GEMIN5: variants seen among roughly 807,000 people sequenced by gnomAD.
GEMIN5 encodes the protein gem-associated protein 5.
GEMIN5 carries 124 observed loss-of-function variants against 176.9 expected under a neutral mutation model. That is an observed-to-expected ratio of 0.70 (90% CI 0.61 to 0.81). GEMIN5 has a LOEUF of 0.81. Ranked by LOEUF, GEMIN5 falls within the 40% of genes least tolerant of loss-of-function variation. The pLI is 0.00. For missense variants in GEMIN5, 1,843 were observed against 1,814.6 expected, an observed-to-expected ratio of 1.02 and a Z score of -0.28; for synonymous variants, 673 against 665.2, an observed-to-expected ratio of 1.01 and a Z score of -0.18.
In GEMIN5 at chr5:154,904,580, T is replaced by TGTA; in HGVS notation, c.2556_2558dup (p.Thr853dup). 6.2e-7 allele frequency: 1 copy of TGTA among 1,612,550 alleles called. No individual in the cohort carries two copies. ...CCTCTTTGGATCTGTGGTCCAGGCT[T>TGTA]GTACTCAGGGGAAGCAAGGAACGAG... On this transcript the variant is annotated inframe_insertion, in exon 18 of 28. Coordinates refer to ENST00000285873, the MANE Select transcript of GEMIN5 (RefSeq NM_015465.5).
chr5:154,924,786 G>A (rs928690453), intron 8 of GEMIN5, among the ~76,000 whole-genome samples: 105 of 152,058 alleles, frequency 6.9e-4, no homozygotes, highest in African/African-American at 2.5e-3. Context: ...TCAGGAGATC[G>A]AGACCATCCT....
intron 21 of GEMIN5, among the ~76,000 whole-genome samples, chr5:154,900,187 T>C (rs919370984): frequency 3.9e-5 from 6 of 152,194 alleles, no homozygotes; most frequent in African/African-American, 1.4e-4. Context: ...AGGAATGTGG[T>C]ATTTTTGGGT....
At chr5:154,936,944 G>C in intron 2 of GEMIN5, 81 bp downstream of exon 2, 1 of 1,071,542 alleles carries the variant, frequency 9.3e-7, no homozygotes, top group Non-Finnish European at 1.4e-6. Context: ...GCACAGATGA[G>C]CTAGCAAAAC....
chr5:154,907,720 C>A lies in GEMIN5; in HGVS notation c.2266G>T (p.Glu756Ter). ...TCTTCTTCATTTCCATCAATCGATT[C>A]CAGCTTTACAGGAGTTCTCAAGGTG... Reference protein sequence around the residue: ...KPTLRTPVKLESIDGNEEESM... With the variant: ...KPTLRTPVKL The change falls in exon 16 of 28, where the codon GAA becomes TAA. Residue 756 changes from glutamate to a stop codon, truncating the protein, a stop_gained. Transcript: ENST00000285873. LOFTEE classifies it high-confidence loss of function. 1 of 1,614,096 alleles carries A rather than the reference C, an allele frequency of 6.2e-7. No homozygotes were observed. Among genetic ancestry groups the A allele is most frequent in the Non-Finnish European group, 8.5e-7 (1 of 1,179,972 alleles).
chr5:154,926,644 T>C (rs1764043083), intron 7 of GEMIN5, among the ~76,000 whole-genome samples: 1 of 152,182 alleles, frequency 6.6e-6, no homozygotes, highest in African/African-American at 2.4e-5. Context: ...CTACATACAC[T>C]ACAAACCAGG....
At chr5:154,924,194 C>T (rs889754914) in intron 9 of GEMIN5, among the ~76,000 whole-genome samples, 2 of 152,118 alleles carry the variant, frequency 1.3e-5, no homozygotes, top group Non-Finnish European at 2.9e-5. Context: ...TCAGTAATCA[C>T]CTGTGGTTAA....
At chr5:154,923,295 G>A (rs1427836506) in intron 9 of GEMIN5, among the ~76,000 whole-genome samples, 4 of 151,944 alleles carry the variant, frequency 2.6e-5, no homozygotes, top group South Asian at 2.1e-4. Flanking sequence ...CAGGAGAATC[G>A]CTTGAACCCA....
intron 15 of GEMIN5, among the ~76,000 whole-genome samples, chr5:154,908,175 T>C (rs1398325878): frequency 2.2e-5 from 3 of 138,294 alleles, no homozygotes; most frequent in Non-Finnish European, 3.1e-5. Flanking sequence ...AGATGTCCTT[T>C]TTTTTTTTTT....
rs761202515 is a variant in GEMIN5, at chr5:154,928,605, G to A, written c.836C>T (p.Pro279Leu). Residue 279 changes from proline (P) to leucine (L), a missense_variant, in exon 6 of 28, where the codon CCA becomes CTA. Pro to Leu is a moderately conservative substitution (Grantham distance 98). Transcript: ENST00000285873. ...FLKRRGGGIDPTVKERLWLTL... is the reference protein window; with the variant it reads ...FLKRRGGGIDLTVKERLWLTL... ...CAACCAAAGGCGCTCTTTAACAGTT[G>A]GGTCTATACCCCCTCCTCTTCTCTT... The A allele has an allele frequency of 6.2e-7, 1 of 1,613,552 alleles. No homozygotes were observed. The highest frequency in any genetic ancestry group is 8.5e-7 in the Non-Finnish European group (1 of 1,179,500).
chr5:154,918,037 T>C (rs1176775323), intron 11 of GEMIN5, 33 bp from the exon 12 acceptor site: 2 of 1,353,052 alleles, frequency 1.5e-6, no homozygotes, highest in East Asian at 2.3e-5. Flanking sequence ...CTTGACTATA[T>C]ACATATCTCA....
chr5:154,937,208 G>A (rs1442581802), intron 1 of GEMIN5, 23 bp from the exon 2 acceptor site: 3 of 1,568,502 alleles, frequency 1.9e-6, no homozygotes, highest in Non-Finnish European at 2.6e-6. Context: ...CCAGACGCTA[G>A]GTTAATCGAA....
chr5:154,915,313 A>G (rs2113487914), intron 13 of GEMIN5, among the ~76,000 whole-genome samples: 1 of 152,346 alleles, frequency 6.6e-6, no homozygotes, highest in African/African-American at 2.4e-5. Context: ...AACTATTTTC[A>G]CTATGGCTGA....
Position 154,907,766 on chromosome 5 carries a change from C to A in GEMIN5, c.2220G>T (p.Lys740Asn), listed in dbSNP as rs371159851. Residue 740 changes from lysine to asparagine, a missense_variant, in exon 16 of 28, where the codon AAG becomes AAT. Lys to Asn is a moderately conservative substitution (Grantham distance 94, BLOSUM62 0). Transcript: ENST00000285873. ...EKKRLSQPKA[K>N]PKKKKKPTLR... Reference sequence around the variant, plus strand: ...AGGTGGGCTTTTTCTTCTTTTTGGGCTTTGCCTTAGGTTGAGAGAGCCGTT... The same window carrying A: ...AGGTGGGCTTTTTCTTCTTTTTGGGATTTGCCTTAGGTTGAGAGAGCCGTT... 3 of 1,614,072 alleles carry A rather than the reference C, an allele frequency of 1.9e-6. No homozygotes were observed. The highest frequency in any genetic ancestry group is 2.5e-6 in the Non-Finnish European group (3 of 1,180,014).
chr5:154,914,509 CTTTT>C (rs66537820), intron 13 of GEMIN5, among the ~76,000 whole-genome samples: 1 of 136,232 alleles, frequency 7.3e-6, no homozygotes, highest in Non-Finnish European at 1.6e-5. Flanking sequence ...CACTATTTTA[CTTTT>C]TTTTTTTTTT....
In GEMIN5 at chr5:154,907,736, T is replaced by A. The variant is rs746293738; in HGVS notation, c.2250A>T (p.Arg750Ser). 1.2e-6 allele frequency: 2 copies of A among 1,614,060 alleles called. No individual in the cohort carries two copies. Among genetic ancestry groups the A allele is most frequent in the Non-Finnish European group, 1.7e-6 (2 of 1,180,036 alleles). ...KPKKKKKPTL[R>S]TPVKLESIDG... ...CAATCGATTCCAGCTTTACAGGAGT[T>A]CTCAAGGTGGGCTTTTTCTTCTTTT... Residue 750 changes from arginine to serine, a missense_variant, in exon 16 of 28, where the codon AGA becomes AGT. By Grantham distance (110) the Arg-to-Ser change is moderately radical. Coordinates refer to ENST00000285873, the MANE Select transcript of GEMIN5 (RefSeq NM_015465.5).
intron 3 of GEMIN5, among the ~76,000 whole-genome samples, chr5:154,934,391 G>C (rs895199398): frequency 1.3e-5 from 2 of 152,074 alleles, no homozygotes; most frequent in African/African-American, 4.8e-5. Context: ...TCTCCATGCT[G>C]GTCTTGAACT....
At chr5:154,896,742 G>A (rs980805446) in intron 23 of GEMIN5, among the ~76,000 whole-genome samples, 3 of 152,174 alleles carry the variant, frequency 2.0e-5, no homozygotes, top group Non-Finnish European at 4.4e-5. Context: ...AGCATAATGG[G>A]CCAAAGGTGC....
chr5:154,915,857 A>G (rs1763798941), intron 13 of GEMIN5, among the ~76,000 whole-genome samples: 1 of 152,096 alleles, frequency 6.6e-6, no homozygotes, highest in African/African-American at 2.4e-5. Context: ...ACATCTTTTT[A>G]CCTAGCAATT....
Position 154,887,817 on chromosome 5 carries a change from CATGACACACTTCTGATCAG to C in GEMIN5, c.*374_*392del, listed in dbSNP as rs1763141300. 1 of 168,616 alleles carries C rather than the reference CATGACACACTTCTGATCAG, an allele frequency of 5.9e-6. No homozygotes were observed. Among genetic ancestry groups the C allele is most frequent in the African/African-American group, 2.4e-5 (1 of 41,624 alleles). The allele number at this position is 168,616 out of a possible 1,614,324, so 10.4% of individuals were successfully genotyped here. A position where few individuals can be genotyped will look rare whatever the true frequency, so the allele number is the denominator to read the frequency against. Reference sequence around the variant, plus strand: ...ATGCAGCAACTCCATCTCAAACAAGCATGACACACTTCTGATCAGATGAAGTATTTACAAAGGTAGCTTG... The same window carrying C: ...ATGCAGCAACTCCATCTCAAACAAGCATGAAGTATTTACAAAGGTAGCTTG... On this transcript the variant is annotated 3_prime_UTR_variant, in exon 28 of 28. Coordinates refer to ENST00000285873, the MANE Select transcript of GEMIN5 (RefSeq NM_015465.5).
Sources: allele counts gnomAD v4.1 joint callset (sites outside exome capture counted in the v4.1 genomes callset), GRCh38; gene constraint gnomAD v4.1.1; transcripts MANE v1.5; gene names NCBI Gene and HGNC (gene_info 2026-07-23, HGNC 2026-07-21).